The following SH3TC1 variants were observed in gnomAD, a reference collection of about 807,000 sequenced individuals.
SH3TC1 encodes SH3 domain and tetratricopeptide repeat-containing protein 1.
SH3TC1 carries 135 observed loss-of-function variants against 117.3 expected under a neutral mutation model. That is an observed-to-expected ratio of 1.15 (90% confidence interval 1.00 to 1.33). The LOEUF (loss-of-function observed/expected upper bound fraction) is 1.33. Among genes scored for constraint, SH3TC1 ranks in the 40% most tolerant of loss-of-function variants. The pLI is 0.00. For missense variants in SH3TC1, 2,092 were observed against 1,794.3 expected (o/e 1.17, Z -3.00); for synonymous variants, 898 against 816.9 (o/e 1.10, Z -1.69).
In SH3TC1 at chr4:8,228,254, G is replaced by C. The variant is rs1405976035; in HGVS notation, c.2560G>C (p.Ala854Pro). 5.0e-6 allele frequency: 8 copies of C among 1,611,838 alleles called. No individual in the cohort carries two copies. The highest frequency in any genetic ancestry group is 5.9e-6 in the Non-Finnish European group (7 of 1,179,484). Residue 854 changes from alanine (A) to proline (P), a missense_variant, in exon 12 of 18, where the codon GCA becomes CCA. Physicochemically the swap from Ala to Pro is conservative, Grantham distance 27. Coordinates refer to ENST00000245105, the MANE Select transcript of SH3TC1 (RefSeq NM_018986.5). Reference sequence around the variant, plus strand: ...GGACATCCTGCAGTCTGTCCGGGATGCAGTGGTGGCCAGCGAGGACCAGGA... The same window carrying C: ...GGACATCCTGCAGTCTGTCCGGGATCCAGTGGTGGCCAGCGAGGACCAGGA... ...ALDILQSVRD[A>P]VVASEDQEGV...
intron 1 of SH3TC1, among the ~76,000 whole-genome samples, chr4:8,185,559 C>A (rs1419043478): frequency 1.3e-5 from 2 of 152,164 alleles, no homozygotes; most frequent in Non-Finnish European, 2.9e-5. Flanking sequence ...CGCATCCTAA[C>A]CCCACTTTCA....
intron 1 of SH3TC1, among the ~76,000 whole-genome samples, chr4:8,188,344 T>C (rs1189185956): frequency 6.6e-6 from 1 of 152,204 alleles, no homozygotes; most frequent in East Asian, 1.9e-4. Flanking sequence ...AGGCCCAGCA[T>C]CGGGCAGGCA....
At position 8,209,895 on chromosome 4, in the gene SH3TC1, T is replaced by A. The variant is rs1407869947; in HGVS notation, c.247+73T>A. 2.7e-6 allele frequency: 4 copies of A among 1,474,140 alleles called. No individual in the cohort carries two copies. The highest frequency in any genetic ancestry group is 4.7e-5 in the East Asian group (2 of 42,518). 91.3% of individuals were successfully genotyped at this position (1,474,140 alleles called of 1,614,324 possible). On this transcript the variant is annotated intron_variant, in intron 3 of 17. Transcript: ENST00000245105. The surrounding 1 kb of genome is among the most constrained non-coding windows in gnomAD (Gnocchi z 5.9). Reference sequence around the variant, plus strand: ...GTGCCGCTCCCTGGGCATCCAAGAGTCCAACCCAGGGCTTCTCAAAGTGTG... The same window carrying A: ...GTGCCGCTCCCTGGGCATCCAAGAGACCAACCCAGGGCTTCTCAAAGTGTG...
upstream of SH3TC1, chr4:8,199,196 C>G (rs1717672140): frequency 6.6e-6 from 1 of 152,328 alleles, no homozygotes; most frequent in South Asian, 2.1e-4. Context: ...CTCTCCGTCA[C>G]CGGCCCTCAG....
rs771254685 is a variant in SH3TC1, at chr4:8,227,993, C to T, written c.2299C>T (p.His767Tyr). 17 of 1,612,290 alleles carry T rather than the reference C, an allele frequency of 1.1e-5. No individual in the cohort carries two copies. The South Asian group carries it at 1.9e-4, about 18-fold the overall frequency. ...QPHSLPAQTS[H>Y]YLRQALASLT... ...CCACAGCCTCCCTGCCCAAACTTCCCACTACCTCAGGCAAGCGCTGGCCTC... is the reference window on the plus strand; with the variant it reads ...CCACAGCCTCCCTGCCCAAACTTCCTACTACCTCAGGCAAGCGCTGGCCTC... Residue 767 changes from histidine to tyrosine, a missense_variant, in exon 12 of 18, where the codon CAC (histidine) becomes TAC (tyrosine). Coordinates refer to ENST00000245105, the MANE Select transcript of SH3TC1 (RefSeq NM_018986.5).
rs149950257 is a variant in SH3TC1 at position 8,228,003 on chromosome 4, G to A, written c.2309G>A (p.Arg770Lys). 1 of 1,611,936 alleles carries A rather than the reference G, an allele frequency of 6.2e-7. No homozygotes were observed. The highest frequency in any genetic ancestry group is 8.5e-7 in the Non-Finnish European group (1 of 1,179,490). The part of the protein sequence containing the change: ...SLPAQTSHYL[R>K]QALASLTPGT... ...CCTGCCCAAACTTCCCACTACCTCAGGCAAGCGCTGGCCTCCCTGACCCCG... is the reference window on the plus strand; with the variant it reads ...CCTGCCCAAACTTCCCACTACCTCAAGCAAGCGCTGGCCTCCCTGACCCCG... Residue 770 changes from arginine (R) to lysine (K), a missense_variant, in exon 12 of 18, where the codon AGG (arginine) becomes AAG (lysine). Physicochemically the swap from Arg to Lys is conservative, Grantham distance 26. Coordinates refer to ENST00000245105, the MANE Select transcript of SH3TC1 (RefSeq NM_018986.5).
chr4:8,196,527 C>T (rs981506732), upstream of SH3TC1, among the ~76,000 whole-genome samples: 1 of 152,160 alleles, frequency 6.6e-6, no homozygotes, highest in African/African-American at 2.4e-5. This position sits in a 1 kb window ranked among gnomAD's most constrained non-coding sequence, Gnocchi z 4.6. Context: ...GAGGTGGGTG[C>T]CCAGAGTTGC....
Position 8,190,628 on chromosome 4 carries a change from T to A in SH3TC1, c.-57+8418T>A, listed in dbSNP as rs1034545290. 6.6e-6 allele frequency among the ~76,000 whole-genome samples: 1 copy of A among 152,068 alleles called. No homozygotes were observed. The highest frequency in any genetic ancestry group is 1.5e-5 in the Non-Finnish European group (1 of 67,988). On this transcript the variant is annotated intron_variant, in intron 1 of 16. Transcript: ENST00000508641. This position sits in a 1 kb window ranked among gnomAD's most constrained non-coding sequence, Gnocchi z 4.7. ...TGGTCCACAGGGTGTTTCTGAGGCT[T>A]GGCCTCTTCTGGCTCTGTGATCTTT...
At position 8,235,521 on chromosome 4, in the gene SH3TC1, C is replaced by A. The variant is rs1392508195; in HGVS notation, c.3371C>A (p.Ala1124Asp). The change falls in exon 15 of 18, where the codon GCC (alanine) becomes GAC (aspartate). Residue 1124 changes from alanine (A) to aspartate (D), a missense_variant. Coordinates refer to ENST00000245105, the MANE Select transcript of SH3TC1 (RefSeq NM_018986.5). The stretch of plus-strand genomic sequence containing the variant: ...GCTGGAGACATCTTCTTCGACGGGG[C>A]CTGGGAGCGGGAGAAAGCTGTGTCC... ...EAAGDIFFDG[A>D]WEREKAVSFY... 1 of 1,606,006 alleles carries A rather than the reference C, an allele frequency of 6.2e-7. No individual in the cohort carries two copies. The highest frequency in any genetic ancestry group is 2.2e-5 in the East Asian group (1 of 44,576).
At chr4:8,202,190 C>T (rs370424803) in intron 1 of SH3TC1, among the ~76,000 whole-genome samples, 7 of 152,160 alleles carry the variant, frequency 4.6e-5, no homozygotes, top group African/African-American at 7.2e-5. Flanking sequence ...GTGCCAGGAC[C>T]GCAGTCCTGC....
chr4:8,232,353 G>C (rs1275789945), intron 13 of SH3TC1, 197 bp downstream of exon 13: 2 of 1,574,430 alleles, frequency 1.3e-6, no homozygotes, highest in South Asian at 1.1e-5. Flanking sequence ...CCCAGCTTGA[G>C]CTTCCCTTGT....
Position 8,235,370 on chromosome 4 carries a change from A to G in SH3TC1, c.3283-63A>G, listed in dbSNP as rs1316366467. The stretch of plus-strand genomic sequence containing the variant: ...GAAGGAGGCTGGGCGGGGGAGTCCG[A>G]CCTGGGTGGGCGTGGCCACCTCACC... On this transcript the variant is annotated intron_variant, in intron 14 of 17. Coordinates refer to ENST00000245105, the MANE Select transcript of SH3TC1 (RefSeq NM_018986.5). 2.1e-6 allele frequency: 3 copies of G among 1,408,782 alleles called. No homozygotes were observed. The African/African-American group carries it at 4.3e-5, about 20-fold the overall frequency. The allele number at this position is 1,408,782 out of a possible 1,614,324, so 87.3% of individuals were successfully genotyped here. A position where few individuals can be genotyped will look rare whatever the true frequency, so the allele number is the denominator to read the frequency against.
In SH3TC1 at chr4:8,227,256, T is replaced by C. The variant is rs1270325032; in HGVS notation, c.1562T>C (p.Val521Ala). The C allele has an allele frequency of 6.3e-7, 1 of 1,597,982 alleles. No homozygotes were observed. The highest frequency in any genetic ancestry group is 2.3e-5 in the East Asian group (1 of 44,094). ...GCCAGCTTCCGTGGCCTGTACGATG[T>C]GGCGCTGCCGTGGCTGAGCAGCGTG... ...YKASFRGLYD[V>A]ALPWLSSVFR... Residue 521 changes from valine (V) to alanine (A), a missense_variant, in exon 12 of 18, where the codon GTG becomes GCG. Physicochemically the swap from Val to Ala is moderately conservative, Grantham distance 64 (BLOSUM62 0). Coordinates refer to ENST00000245105, the MANE Select transcript of SH3TC1 (RefSeq NM_018986.5).
chr4:8,211,123 C>T (rs1718639870), intron 3 of SH3TC1, among the ~76,000 whole-genome samples: 2 of 116,386 alleles, frequency 1.7e-5, no homozygotes, highest in Non-Finnish European at 3.6e-5. Context: ...TTTCTTCCCC[C>T]TCCTGGTTTC....
At chr4:8,232,912 C>T (rs1721378602) in intron 13 of SH3TC1, 1 of 1,198,674 alleles carries the variant, frequency 8.3e-7, no homozygotes, top group Admixed American at 3.4e-5. Context: ...GAGCTTGTGG[C>T]AAGTGGGAGT....
chr4:8,229,899 G>C lies in SH3TC1; in HGVS notation c.2950+1255G>C, dbSNP rs571901760. Reference sequence around the variant, plus strand: ...CTTGGAAACGCAGGCCAGGGAACGAGGATCATGCTTCCCTGTCTCCCCACC... The same window carrying C: ...CTTGGAAACGCAGGCCAGGGAACGACGATCATGCTTCCCTGTCTCCCCACC... On this transcript the variant is annotated intron_variant, in intron 12 of 17. Coordinates refer to ENST00000245105, the MANE Select transcript of SH3TC1 (RefSeq NM_018986.5). 6.6e-5 allele frequency among the ~76,000 whole-genome samples: 10 copies of C among 152,084 alleles called. No individual in the cohort carries two copies. The East Asian group carries it at 1.9e-3, about 29-fold the overall frequency.
chr4:8,226,723 A>G (rs1358581508), intron 11 of SH3TC1, among the ~76,000 whole-genome samples: 2 of 152,200 alleles, frequency 1.3e-5, no homozygotes, highest in Non-Finnish European at 2.9e-5. Flanking sequence ...GGAGGACAGG[A>G]GGGTGATTTC....
intron 4 of SH3TC1, among the ~76,000 whole-genome samples, chr4:8,213,778 T>C (rs945012301): frequency 6.6e-6 from 1 of 151,438 alleles, no homozygotes; most frequent in South Asian, 2.1e-4. Flanking sequence ...TGTGCACCTG[T>C]GGGAGAGTAA....
intron 16 of SH3TC1, 180 bp downstream of exon 16, chr4:8,236,608 A>G (rs1721843298): frequency 8.7e-6 from 6 of 693,140 alleles, no homozygotes; most frequent in African/African-American, 3.8e-5. Flanking sequence ...TCCTTCACTC[A>G]GTGCAGAGCT....
Sources: gnomAD v4.1 joint callset for allele counts (sites outside exome capture counted in the v4.1 genomes callset) on GRCh38, gnomAD v4.1.1 for gene constraint, Gnocchi (gnomAD v3.1) non-coding constraint, MANE v1.5 for transcripts, NCBI Gene and HGNC (gene_info 2026-07-23, HGNC 2026-07-21) for gene names.